SLC2A9: variants seen among roughly 807,000 people sequenced by gnomAD.
The protein encoded by SLC2A9 is solute carrier family 2 member 9, also known as solute carrier family 2, facilitated glucose transporter member 9.
A neutral mutation model predicts 50.6 loss-of-function variants in SLC2A9; 39 were observed. The observed-to-expected ratio is 0.77, with a 90% CI of 0.60 to 1.01. The LOEUF (loss-of-function observed/expected upper bound fraction) is 1.01, where lower values mean the gene tolerates loss of function less well. Ranked by LOEUF, SLC2A9 falls within the 50% of genes least tolerant of loss-of-function variation. The probability of loss-of-function intolerance (pLI) is 0.00; values close to 1 mark genes in which losing one functional copy is unlikely to be tolerated. For missense variants in SLC2A9, 686 were observed against 677.6 expected (o/e 1.01, Z -0.14); for synonymous variants, 324 against 276.9 (o/e 1.17, Z -1.69).
chr4:9,789,657 G>A (rs994083469), intron 3 of SLC2A9, among the ~76,000 whole-genome samples: 19 of 152,230 alleles, frequency 1.2e-4, no homozygotes, highest in African/African-American at 2.7e-4. Flanking sequence ...AGGCCAATTC[G>A]GGGGAAGGGC....
Position 9,818,861 on chromosome 4 carries a change from G to A in SLC2A9, n.420+7559C>T, listed in dbSNP as rs149152754. ...TCTTGGGCTGGGTGCGGTGGCTCAT[G>A]CCTGTAATCCCAGCACTTTGGGAGG... On this transcript the variant is annotated intron_variant and non_coding_transcript_variant, in intron 3 of 3. Transcript: ENST00000503280. Among the ~76,000 whole-genome samples the A allele has an allele frequency of 4.1e-3, 618 of 152,282 alleles. 4 individuals are homozygous for A. Among genetic ancestry groups the A allele is most frequent in the African/African-American group, 0.014 (579 of 41,550 alleles).
At chr4:9,925,967 G>A (rs923983747) in intron 6 of SLC2A9, among the ~76,000 whole-genome samples, 3 of 152,146 alleles carry the variant, frequency 2.0e-5, no homozygotes, top group African/African-American at 7.2e-5. Context: ...CAGAGTGACA[G>A]ACACTGATGC....
chr4:9,863,375 G>A (rs1731958883), intron 10 of SLC2A9, among the ~76,000 whole-genome samples: 1 of 152,000 alleles, frequency 6.6e-6, no homozygotes, highest in South Asian at 2.1e-4. Context: ...TTGAACTCAT[G>A]AGCTCAAGAA....
Position 9,931,913 on chromosome 4 carries a change from A to ACTCT in SLC2A9, c.814+9996_814+9999dup, listed in dbSNP as rs1163786274. Among the ~76,000 whole-genome samples, 125 of 15,648 alleles carry ACTCT rather than the reference A, an allele frequency of 8.0e-3. 8 individuals carry two copies. The highest frequency in any genetic ancestry group is 0.011 in the Non-Finnish European group (102 of 9,028). The allele number at this position is 15,648 out of a possible 152,430, so 10.3% of individuals were successfully genotyped here. On this transcript the variant is annotated intron_variant, in intron 6 of 11. Transcript: ENST00000264784. The stretch of plus-strand genomic sequence containing the variant: ...TGCAGGGAGACCTGAAATGAGAATG[A>ACTCT]CTCTCTCTCTCTCTCTCTCTCTCTC...
chr4:9,930,416 G>C (rs1446332518), intron 6 of SLC2A9, among the ~76,000 whole-genome samples: 1 of 152,218 alleles, frequency 6.6e-6, no homozygotes, highest in Admixed American at 6.5e-5. Flanking sequence ...CACAGAATTG[G>C]TGCTAAACTT....
chr4:9,980,832 G>T, intron 4 of SLC2A9, 95 bp from the exon 5 acceptor site: 1 of 1,526,030 alleles, frequency 6.6e-7, no homozygotes, highest in Non-Finnish European at 9.0e-7. Flanking sequence ...CTTTGCCCTG[G>T]ACATTAAATA....
downstream of SLC2A9, among the ~76,000 whole-genome samples, chr4:9,775,563 G>T (rs1395855469): frequency 2.0e-5 from 3 of 152,030 alleles, no homozygotes; most frequent in African/African-American, 7.2e-5. Context: ...GATCCCCCAT[G>T]GCTTGGTGCT....
In SLC2A9 at chr4:9,890,510, T is replaced by A. The variant is rs964082338; in HGVS notation, c.1215+100A>T. ...GGAGAGCTTTATCACAAGTGTTTTCTGTAGAAGTATGAACCCACAAATCAA... is the reference window on the plus strand; with the variant it reads ...GGAGAGCTTTATCACAAGTGTTTTCAGTAGAAGTATGAACCCACAAATCAA... On this transcript the variant is annotated intron_variant, in intron 9 of 11. Transcript: ENST00000264784. The A allele has an allele frequency of 8.5e-5, 93 of 1,091,918 alleles. 1 individual carries two copies. The highest frequency in any genetic ancestry group is 4.0e-4 in the Middle Eastern group (2 of 5,020). The allele number at this position is 1,091,918 out of a possible 1,614,324, so 67.6% of individuals were successfully genotyped here.
At chr4:9,944,446 T>C (rs1748744470) in intron 5 of SLC2A9, among the ~76,000 whole-genome samples, 2 of 152,238 alleles carry the variant, frequency 1.3e-5, no homozygotes, top group African/African-American at 4.8e-5. Context: ...TAGCCTTTGA[T>C]CCCTGGTCTC....
At chr4:9,895,453 G>A (rs1293599476) in intron 8 of SLC2A9, among the ~76,000 whole-genome samples, 2 of 152,208 alleles carry the variant, frequency 1.3e-5, no homozygotes, top group Non-Finnish European at 2.9e-5. Context: ...AAAATCATGA[G>A]TGAAGACATT....
At chr4:9,952,647 T>A (rs1750523821) in intron 5 of SLC2A9, among the ~76,000 whole-genome samples, 1 of 151,680 alleles carries the variant, frequency 6.6e-6, no homozygotes, top group Admixed American at 6.6e-5. Context: ...CACCTTAGCC[T>A]CCCGGTAGCT....
intron 10 of SLC2A9, among the ~76,000 whole-genome samples, chr4:9,873,902 T>C (rs990103903): frequency 2.0e-5 from 3 of 152,244 alleles, no homozygotes; most frequent in Non-Finnish European, 4.4e-5. Flanking sequence ...GCCTCTCCCA[T>C]ATTCCACATT....
At chr4:9,865,876 G>T (rs1418559181) in intron 10 of SLC2A9, among the ~76,000 whole-genome samples, 5 of 152,220 alleles carry the variant, frequency 3.3e-5, no homozygotes, top group Admixed American at 3.3e-4. Flanking sequence ...ACACTGGTTT[G>T]CAGGAATCTG....
At chr4:9,846,148 A>G (rs1728955854) in intron 10 of SLC2A9, among the ~76,000 whole-genome samples, 4 of 152,226 alleles carry the variant, frequency 2.6e-5, no homozygotes, top group African/African-American at 9.6e-5. Context: ...CGAATCCAAG[A>G]GATCCGGACC....
chr4:9,806,082 A>G (rs1722079390), intron 3 of SLC2A9, among the ~76,000 whole-genome samples: 2 of 152,174 alleles, frequency 1.3e-5, no homozygotes, highest in Admixed American at 6.5e-5. Context: ...TGAGGCTGGG[A>G]GCAGTCAACA....
downstream of SLC2A9, among the ~76,000 whole-genome samples, chr4:9,796,806 G>A (rs1444700863): frequency 6.6e-6 from 1 of 152,128 alleles, no homozygotes; most frequent in Non-Finnish European, 1.5e-5. Context: ...GTTATCTGAA[G>A]CATATTCATC....
At chr4:10,004,633 G>A (rs943975129) in intron 2 of SLC2A9, among the ~76,000 whole-genome samples, 4 of 152,136 alleles carry the variant, frequency 2.6e-5, no homozygotes, top group Non-Finnish European at 5.9e-5. Flanking sequence ...GATATAAATG[G>A]GAATTTTCAC....
At chr4:9,791,747 A>G (rs1719942326) in intron 3 of SLC2A9, among the ~76,000 whole-genome samples, 1 of 152,208 alleles carries the variant, frequency 6.6e-6, no homozygotes, top group Non-Finnish European at 1.5e-5. Flanking sequence ...AGCGTCCCTC[A>G]GTTGAGCCTT....
At chr4:9,847,221 C>G (rs758981893) in intron 10 of SLC2A9, among the ~76,000 whole-genome samples, 1 of 152,146 alleles carries the variant, frequency 6.6e-6, no homozygotes, top group African/African-American at 2.4e-5. Context: ...CAGTTCTGCA[C>G]GGCTGGAGAA....
Sources: gnomAD v4.1 joint callset for allele counts (sites outside exome capture counted in the v4.1 genomes callset) on GRCh38, gnomAD v4.1.1 for gene constraint, MANE v1.5 for transcripts, NCBI Gene and HGNC (gene_info 2026-07-23, HGNC 2026-07-21) for gene names.